The following MYH15 variants were observed in gnomAD, a reference collection of about 807,000 sequenced individuals.
MYH15 encodes the protein myosin heavy chain 15.
A neutral mutation model predicts 240.5 loss-of-function variants in MYH15; 227 were observed. The ratio of observed to expected loss-of-function variants is 0.94; its 90% confidence interval spans 0.85 to 1.05. The LOEUF is 1.05. Ranked by LOEUF, MYH15 falls within the 50% of genes least tolerant of loss-of-function variation. The pLI, the probability that MYH15 is intolerant of heterozygous loss-of-function variation, is 0.00. For synonymous variants in MYH15, 785 were observed against 796.7 expected (o/e 0.99, Z 0.25); for missense variants, 2,217 against 2,247.5 (o/e 0.99, Z 0.27).
chr3:108,495,677 C>A, intron 7 of MYH15, 103 bp downstream of exon 7: 1 of 698,350 alleles, frequency 1.4e-6, no homozygotes, highest in South Asian at 2.5e-5. Context: ...CAAAGACCTT[C>A]TTTGGTGTTC....
chr3:108,548,102 G>T, the MYH15 span, among the ~76,000 whole-genome samples: 1 of 152,070 alleles, frequency 6.6e-6, no homozygotes, highest in East Asian at 1.9e-4. Context: ...GATGAGAAGA[G>T]GACAGATGGA....
chr3:108,496,545 T>A (rs2083391811), intron 6 of MYH15, among the ~76,000 whole-genome samples: 1 of 152,218 alleles, frequency 6.6e-6, no homozygotes, highest in East Asian at 1.9e-4. Context: ...ATAAATATTA[T>A]ATCCCTTCTT....
In MYH15 at chr3:108,410,779, C is replaced by T. The variant is rs374711283; in HGVS notation, c.4299G>A (p.Arg1433=). 21 of 1,614,032 alleles carry T rather than the reference C, an allele frequency of 1.3e-5. No individual in the cohort carries two copies. The highest frequency in any genetic ancestry group is 1.8e-5 in the Non-Finnish European group (21 of 1,180,018). The change falls in exon 31 of 41, where the codon AGG becomes AGA. Residue 1433 remains arginine (R), a synonymous_variant. Transcript: ENST00000693548. The part of the protein sequence containing the change: ...DLGKVRSAAA[R]LDQKQLQSGK... Reference sequence around the variant, plus strand: ...CAGACTGCAGCTGCTTCTGGTCCAGCCTGGCTGCTGCAGAGCGGACCTTCC... The same window carrying T: ...CAGACTGCAGCTGCTTCTGGTCCAGTCTGGCTGCTGCAGAGCGGACCTTCC...
At chr3:108,430,019 GTT>G (rs2107561155) in intron 26 of MYH15, among the ~76,000 whole-genome samples, 1 of 152,196 alleles carries the variant, frequency 6.6e-6, no homozygotes, top group African/African-American at 2.4e-5. Flanking sequence ...AAAAGTTTGT[GTT>G]TTTTTACTTT....
chr3:108,513,081 G>C (rs1338282098), upstream of MYH15, among the ~76,000 whole-genome samples: 1 of 152,092 alleles, frequency 6.6e-6, no homozygotes, highest in African/African-American at 2.4e-5. Context: ...ACTTGTCACA[G>C]CCCAGTCCTA....
rs527772096 is a variant in MYH15 at position 108,445,456 on chromosome 3, A to G, written c.2400-561T>C. 5.3e-5 allele frequency among the ~76,000 whole-genome samples: 8 copies of G among 152,318 alleles called. No individual in the cohort carries two copies. The East Asian group carries it at 1.2e-3, about 22-fold the overall frequency. Reference sequence around the variant, plus strand: ...TTTAATGATCCAGTACCACTGAAGTATTTAAGGTCTAAATTATACTGCCTG... The same window carrying G: ...TTTAATGATCCAGTACCACTGAAGTGTTTAAGGTCTAAATTATACTGCCTG... On this transcript the variant is annotated intron_variant, in intron 21 of 40. Transcript: ENST00000693548.
At chr3:108,412,562 G>A (rs762935498) in intron 30 of MYH15, among the ~76,000 whole-genome samples, 1 of 152,290 alleles carries the variant, frequency 6.6e-6, no homozygotes, top group Admixed American at 6.5e-5. Context: ...GGGCAAACTG[G>A]ACAAACTGGT....
chr3:108,427,629 C>G (rs1422500606), intron 27 of MYH15, among the ~76,000 whole-genome samples: 2,740 of 117,438 alleles, frequency 0.023, 73 homozygotes, highest in African/African-American at 0.075. Context: ...CACACACACA[C>G]ACACACAGAG....
chr3:108,385,563 C>T (rs2082376969), intron 38 of MYH15, among the ~76,000 whole-genome samples: 1 of 152,144 alleles, frequency 6.6e-6, no homozygotes, highest in African/African-American at 2.4e-5. Flanking sequence ...TAGGGGTCTG[C>T]CTGCCCCCTC....
the MYH15 span, among the ~76,000 whole-genome samples, chr3:108,542,236 T>G: frequency 6.6e-6 from 1 of 152,150 alleles, no homozygotes; most frequent in African/African-American, 2.4e-5. Flanking sequence ...TTTATTATAA[T>G]TAACGAACCA....
chr3:108,484,958 T>A, intron 11 of MYH15, 133 bp downstream of exon 11: 1 of 959,182 alleles, frequency 1.0e-6, no homozygotes, highest in Non-Finnish European at 1.5e-6. Flanking sequence ...AGAACCGTTT[T>A]TGAAGAACAG....
intron 9 of MYH15, among the ~76,000 whole-genome samples, chr3:108,491,374 T>C (rs895308012): frequency 4.6e-5 from 7 of 152,174 alleles, no homozygotes; most frequent in Non-Finnish European, 7.4e-5. Context: ...ATTCCCTTAT[T>C]CCACATTTTT....
chr3:108,406,839 G>A (rs2082550390), intron 32 of MYH15, among the ~76,000 whole-genome samples: 1 of 152,140 alleles, frequency 6.6e-6, no homozygotes, highest in Non-Finnish European at 1.5e-5. Context: ...CGTGATGATC[G>A]ACTGAATACA....
intron 35 of MYH15, among the ~76,000 whole-genome samples, chr3:108,396,798 C>T (rs1182090389): frequency 1.3e-5 from 2 of 152,172 alleles, no homozygotes; most frequent in African/African-American, 2.4e-5. Flanking sequence ...TACACATGGA[C>T]ACAAAAGTCA....
rs2082773670 is a variant in MYH15, at chr3:108,430,921, T to A, written c.3223A>T (p.Lys1075Ter). 4.4e-6 allele frequency: 7 copies of A among 1,599,876 alleles called. No homozygotes were observed. The highest frequency in any genetic ancestry group is 3.4e-6 in the Non-Finnish European group (4 of 1,169,370). ...QRHLAEELRK[K>*]ELELSQMNSK... The stretch of plus-strand genomic sequence containing the variant: ...TTCATCTGACTCAATTCTAATTCTT[T>A]TCTGTTTAGAAAAAGATATCAAATA... Residue 1075 changes from lysine (K) to a stop codon, truncating the protein, a stop_gained and splice_region_variant, in exon 26 of 41, where the codon AAA (lysine) becomes TAA (stop). Transcript: ENST00000693548. LOFTEE classifies it high-confidence loss of function.
At chr3:108,391,718 A>T in intron 37 of MYH15, 42 bp downstream of exon 37, 1 of 1,583,106 alleles carries the variant, frequency 6.3e-7, no homozygotes. Flanking sequence ...AGAGGTCTTG[A>T]ATTGGGGACT....
chr3:108,381,538 G>T lies in MYH15; in HGVS notation c.*7C>A. 1 of 1,613,850 alleles carries T rather than the reference G, an allele frequency of 6.2e-7. No homozygotes were observed. The highest frequency in any genetic ancestry group is 8.5e-7 in the Non-Finnish European group (1 of 1,179,750). On this transcript the variant is annotated 3_prime_UTR_variant, in exon 41 of 41. Transcript: ENST00000693548. ...CTCCAGCTGTTGTCCTTTCAAAGCA[G>T]GGGATGCTATTCTTCTTGAACCTGA... is the stretch of plus-strand genomic sequence containing the variant.
chr3:108,447,451 A>G (rs529733149), intron 21 of MYH15, among the ~76,000 whole-genome samples: 1 of 152,288 alleles, frequency 6.6e-6, no homozygotes, highest in African/African-American at 2.4e-5. Flanking sequence ...CAAAGAGAGA[A>G]TTTTGAATGC....
chr3:108,450,593 TG>T (rs1187283997), intron 21 of MYH15, among the ~76,000 whole-genome samples: 7 of 152,206 alleles, frequency 4.6e-5, no homozygotes, highest in Non-Finnish European at 7.4e-5. Flanking sequence ...GTTTCACTTA[TG>T]CAAGATGAGT....
Sources: gnomAD v4.1 joint callset for allele counts (sites outside exome capture counted in the v4.1 genomes callset) on GRCh38, gnomAD v4.1.1 for gene constraint, MANE v1.5 for transcripts, NCBI Gene and HGNC (gene_info 2026-07-23, HGNC 2026-07-21) for gene names.